The following TPTE variants were observed in gnomAD, a reference collection of about 807,000 sequenced individuals.
TPTE encodes the protein transmembrane phosphatase with tensin homology, also known as putative tyrosine-protein phosphatase TPTE.
Under a neutral mutation model 84.1 loss-of-function variants are expected in TPTE, and 59 were observed. The observed-to-expected ratio is 0.70, with a 90% confidence interval of 0.57 to 0.87. The LOEUF (loss-of-function observed/expected upper bound fraction) is 0.87. Among genes scored for constraint, TPTE ranks in the 40% least tolerant of loss-of-function variants. TPTE has a pLI of 0.00. For missense variants in TPTE, 382 were observed against 659.6 expected, an observed-to-expected ratio of 0.58 and a Z score of 4.61; for synonymous variants, 130 against 223.5, an observed-to-expected ratio of 0.58 and a Z score of 3.73.
chr21:10,596,406 G>A (rs1163027242), intron 20 of TPTE, among the ~76,000 whole-genome samples: 2 of 152,166 alleles, frequency 1.3e-5, no homozygotes, highest in African/African-American at 4.8e-5. Flanking sequence ...CTCTGATGAG[G>A]GAGGAGGAGG....
chr21:10,531,565 C>T (rs1328251012), intron 3 of TPTE, among the ~76,000 whole-genome samples: 2 of 152,306 alleles, frequency 1.3e-5, no homozygotes, highest in Non-Finnish European at 2.9e-5. Flanking sequence ...GACTCAGATG[C>T]ATGGAATCCC....
At chr21:10,544,524 G>T (rs1435615471) in intron 7 of TPTE, among the ~76,000 whole-genome samples, 1 of 152,420 alleles carries the variant, frequency 6.6e-6, no homozygotes, top group Admixed American at 6.5e-5. Context: ...AGCTGGGACT[G>T]CAGTCATGTG....
At chr21:10,554,324 G>T (rs531142122) in intron 8 of TPTE, among the ~76,000 whole-genome samples, 1 of 152,418 alleles carries the variant, frequency 6.6e-6, no homozygotes, top group African/African-American at 2.4e-5. Flanking sequence ...TATATTGTTG[G>T]TTATTTGCTT....
intron 14 of TPTE, among the ~76,000 whole-genome samples, chr21:10,574,713 C>T (rs1362296969): frequency 6.6e-6 from 1 of 152,310 alleles, no homozygotes; most frequent in Non-Finnish European, 1.5e-5. Context: ...CCCCCACTCC[C>T]AGCCAAGGGA....
chr21:10,525,890 A>G (rs577831241), intron 2 of TPTE, among the ~76,000 whole-genome samples: 1 of 152,310 alleles, frequency 6.6e-6, no homozygotes, highest in Non-Finnish European at 1.5e-5. Flanking sequence ...TAGTTTCCCA[A>G]GGAACTTGCT....
At chr21:10,541,020 C>T in intron 4 of TPTE, 92 bp from the exon 5 acceptor site, 1 of 1,563,428 alleles carries the variant, frequency 6.4e-7, no homozygotes. Flanking sequence ...AAAAGTGTAA[C>T]TGGGGAATGA....
chr21:10,565,341 T>A (rs2074899152), intron 10 of TPTE, among the ~76,000 whole-genome samples: 1 of 152,304 alleles, frequency 6.6e-6, no homozygotes, highest in African/African-American at 2.4e-5. Flanking sequence ...AAAACACTGA[T>A]GAAAGAAATT....
intron 3 of TPTE, among the ~76,000 whole-genome samples, chr21:10,533,977 C>G (rs1157571110): frequency 1.1e-4 from 16 of 152,302 alleles, no homozygotes; most frequent in Non-Finnish European, 2.2e-4. Flanking sequence ...CTGGTTACAG[C>G]TGGATGTTTT....
intron 20 of TPTE, among the ~76,000 whole-genome samples, chr21:10,597,024 ATT>A (rs1182358803): frequency 2.0e-5 from 3 of 152,290 alleles, no homozygotes; most frequent in African/African-American, 7.2e-5. Flanking sequence ...TTATTAAAAT[ATT>A]TGTTTTAATT....
intron 3 of TPTE, among the ~76,000 whole-genome samples, chr21:10,531,878 C>T (rs1352080433): frequency 1.3e-5 from 2 of 152,310 alleles, no homozygotes; most frequent in Non-Finnish European, 2.9e-5. Context: ...TCATTTGTCT[C>T]CCAGTGGTAG....
At chr21:10,536,388 G>T (rs1463421243) in intron 3 of TPTE, among the ~76,000 whole-genome samples, 3 of 152,310 alleles carry the variant, frequency 2.0e-5, no homozygotes, top group African/African-American at 7.2e-5. Flanking sequence ...AGTAAGTTTA[G>T]AATTACATGT....
At chr21:10,596,952 A>T (rs1179343436) in intron 20 of TPTE, among the ~76,000 whole-genome samples, 1 of 152,310 alleles carries the variant, frequency 6.6e-6, no homozygotes, top group African/African-American at 2.4e-5. Flanking sequence ...ATATGGTGTT[A>T]GTGAAAACAA....
At chr21:10,542,917 G>C (rs2074397065) in intron 6 of TPTE, among the ~76,000 whole-genome samples, 1 of 152,154 alleles carries the variant, frequency 6.6e-6, no homozygotes, top group African/African-American at 2.4e-5. Context: ...ATGGGACTCA[G>C]ATTTCTGATA....
In TPTE at chr21:10,524,879, G is replaced by T. The variant is rs1471351432; in HGVS notation, c.-102+191G>T. ...CTCTGAAGGTATGGAATTTGCTGTT[G>T]TCTGTGACCCAGCAAATAAAAATAG... is the stretch of plus-strand genomic sequence containing the variant. On this transcript the variant is annotated intron_variant, in intron 2 of 23. Transcript: ENST00000618007. 2.0e-5 allele frequency among the ~76,000 whole-genome samples: 3 copies of T among 152,308 alleles called. No homozygotes were observed. In the East Asian group the frequency reaches 5.8e-4, roughly 29 times the overall value.
chr21:10,560,947 G>A, intron 9 of TPTE, 83 bp from the exon 10 acceptor site: 1 of 1,493,086 alleles, frequency 6.7e-7, no homozygotes, highest in Non-Finnish European at 8.9e-7. Flanking sequence ...CCTGATCAGT[G>A]GCTTAAATAT....
At chr21:10,597,405 CTTTTT>C (rs79645055) in intron 20 of TPTE, among the ~76,000 whole-genome samples, 1 of 148,960 alleles carries the variant, frequency 6.7e-6, no homozygotes, top group Non-Finnish European at 1.5e-5. Context: ...CCTGAATTTT[CTTTTT>C]TCTTTTTTTT....
chr21:10,588,645 G>A (rs1367941166), intron 17 of TPTE, among the ~76,000 whole-genome samples: 1 of 152,298 alleles, frequency 6.6e-6, no homozygotes, highest in South Asian at 2.1e-4. Context: ...GGGCATGCCA[G>A]TAATTCATAG....
chr21:10,562,206 G>A (rs2074821594), intron 10 of TPTE, among the ~76,000 whole-genome samples: 1 of 152,310 alleles, frequency 6.6e-6, no homozygotes, highest in Non-Finnish European at 1.5e-5. Flanking sequence ...AAAGCAGATA[G>A]AGATTAGATC....
chr21:10,546,319 T>C (rs1031521503), intron 7 of TPTE, among the ~76,000 whole-genome samples: 1 of 152,304 alleles, frequency 6.6e-6, no homozygotes, highest in African/African-American at 2.4e-5. Context: ...GACATGTTTG[T>C]TGTGACTGCT....
Sources: gnomAD v4.1 joint callset for allele counts (sites outside exome capture counted in the v4.1 genomes callset) on GRCh38, gnomAD v4.1.1 for gene constraint, MANE v1.5 for transcripts, NCBI Gene and HGNC (gene_info 2026-07-23, HGNC 2026-07-21) for gene names.